HECW2: variants seen among roughly 807,000 people sequenced by gnomAD.
The protein encoded by HECW2 is E3 ubiquitin-protein ligase HECW2.
A neutral mutation model predicts 175.2 loss-of-function variants in HECW2; 61 were observed. The ratio of observed to expected loss-of-function variants is 0.35; its 90% CI spans 0.28 to 0.43. HECW2 has a LOEUF of 0.43. Ranked by LOEUF, HECW2 falls within the 20% of genes least tolerant of loss-of-function variation. HECW2 has a pLI of 1.00. For synonymous variants in HECW2, 671 were observed against 731.0 expected, an observed-to-expected ratio of 0.92 and a Z score of 1.32; for missense variants, 1,524 against 2,000.5, an observed-to-expected ratio of 0.76 and a Z score of 4.54.
At chr2:196,243,767 C>T (rs1419421494) in intron 19 of HECW2, among the ~76,000 whole-genome samples, 2 of 151,938 alleles carry the variant, frequency 1.3e-5, no homozygotes, top group Non-Finnish European at 2.9e-5. Context: ...TTAGCAGGGA[C>T]GTGGTTTCTC....
intron 1 of HECW2, among the ~76,000 whole-genome samples, chr2:196,482,253 C>T (rs995806792): frequency 5.3e-5 from 8 of 152,216 alleles, no homozygotes; most frequent in Non-Finnish European, 1.2e-4. Context: ...AGTGTGCAAC[C>T]CATCAGCTAT....
chr2:196,313,223 T>A (rs537107634), intron 10 of HECW2, among the ~76,000 whole-genome samples: 4 of 152,330 alleles, frequency 2.6e-5, no homozygotes, highest in African/African-American at 9.6e-5. Context: ...AAATAGTTTT[T>A]CAGAGGGGCT....
chr2:196,456,803 A>G (rs1696530797), intron 1 of HECW2, among the ~76,000 whole-genome samples: 1 of 152,186 alleles, frequency 6.6e-6, no homozygotes. Flanking sequence ...ATCAAGCAAA[A>G]CATACCAATT....
chr2:196,343,652 C>T lies in HECW2; in HGVS notation c.400+5G>A. On this transcript the variant is annotated splice_donor_5th_base_variant and intron_variant, in intron 3 of 28. Coordinates refer to ENST00000644978, the MANE Select transcript of HECW2 (RefSeq NM_001348768.2). ...TAAGTTTATATTTCACACTTAGTTA[C>T]TTACGTTCCATGAAATAGGGCCCAG... 6.3e-7 allele frequency: 1 copy of T among 1,578,552 alleles called. No individual in the cohort carries two copies. The highest frequency in any genetic ancestry group is 8.7e-7 in the Non-Finnish European group (1 of 1,147,822).
chr2:196,485,474 G>T (rs1371802169), intron 1 of HECW2, among the ~76,000 whole-genome samples: 1 of 152,188 alleles, frequency 6.6e-6, no homozygotes, highest in Admixed American at 6.5e-5. Flanking sequence ...TGAGGGCAAG[G>T]TCTCTCTGCT....
chr2:196,527,413 T>C (rs1378910656), intron 1 of HECW2, among the ~76,000 whole-genome samples: 1 of 152,196 alleles, frequency 6.6e-6, no homozygotes, highest in Non-Finnish European at 1.5e-5. Context: ...GTACCTCAGA[T>C]GGAAATGCAG....
chr2:196,309,414 C>A (rs1481129238), intron 10 of HECW2, among the ~76,000 whole-genome samples: 1 of 152,204 alleles, frequency 6.6e-6, no homozygotes, highest in Non-Finnish European at 1.5e-5. Context: ...AAACACCCTG[C>A]CAAATCTGAA....
chr2:196,521,206 G>T (rs1195464979), intron 1 of HECW2, among the ~76,000 whole-genome samples: 1 of 145,616 alleles, frequency 6.9e-6, no homozygotes, highest in South Asian at 2.2e-4. Context: ...ATCACACCCA[G>T]GATCATTACT....
chr2:196,401,321 G>C (rs1052791485), intron 2 of HECW2, among the ~76,000 whole-genome samples: 5 of 152,130 alleles, frequency 3.3e-5, no homozygotes, highest in South Asian at 2.1e-4. Context: ...TGATGTCTAA[G>C]GCATATTGCA....
intron 1 of HECW2, among the ~76,000 whole-genome samples, chr2:196,556,182 A>G (rs1689786788): frequency 6.6e-6 from 1 of 152,210 alleles, no homozygotes; most frequent in Non-Finnish European, 1.5e-5. Flanking sequence ...TTGACAAATG[A>G]AAATTCTGTA....
At chr2:196,535,912 T>C (rs1308042334) in intron 1 of HECW2, among the ~76,000 whole-genome samples, 1 of 152,108 alleles carries the variant, frequency 6.6e-6, no homozygotes, top group African/African-American at 2.4e-5. Context: ...ACAAGTATTA[T>C]GTGTTAAAAA....
intron 1 of HECW2, among the ~76,000 whole-genome samples, chr2:196,515,938 A>G (rs957010661): frequency 6.6e-6 from 1 of 151,076 alleles, no homozygotes; most frequent in Non-Finnish European, 1.5e-5. Context: ...AGGCTAGCCA[A>G]CAGGGCGAAA....
At chr2:196,311,425 A>T (rs1202585776) in intron 10 of HECW2, among the ~76,000 whole-genome samples, 1 of 152,220 alleles carries the variant, frequency 6.6e-6, no homozygotes, top group African/African-American at 2.4e-5. Flanking sequence ...AACTTAAAAC[A>T]GTAGCTAGTT....
At chr2:196,543,644 G>C (rs951927907) in intron 1 of HECW2, among the ~76,000 whole-genome samples, 78 of 151,272 alleles carry the variant, frequency 5.2e-4, no homozygotes, top group African/African-American at 1.9e-3. Context: ...ATGGAGTCTC[G>C]CTCTGTCGCC....
intron 1 of HECW2, among the ~76,000 whole-genome samples, chr2:196,540,875 T>TAAACACTTTGA (rs1689188577): frequency 6.6e-6 from 1 of 152,216 alleles, no homozygotes; most frequent in Non-Finnish European, 1.5e-5. Flanking sequence ...GAAATGGCTG[T>TAAACACTTTGA]TCCTCCCATT....
chr2:196,528,708 A>G (rs1231847756), intron 1 of HECW2, among the ~76,000 whole-genome samples: 1 of 152,238 alleles, frequency 6.6e-6, no homozygotes, highest in African/African-American at 2.4e-5. Context: ...AGCAGTCACA[A>G]TTATGTGGTC....
intron 1 of HECW2, among the ~76,000 whole-genome samples, chr2:196,519,045 C>G (rs1055240849): frequency 9.2e-5 from 14 of 152,198 alleles, no homozygotes; most frequent in Admixed American, 6.5e-5. Context: ...ATTTCCCAAA[C>G]AACACATTTA....
intron 10 of HECW2, chr2:196,316,265 T>C (rs1691690214): frequency 6.6e-6 from 1 of 152,262 alleles, no homozygotes; most frequent in African/African-American, 2.4e-5. Context: ...ATTAAGCTGA[T>C]ATTTTGATAA....
chr2:196,539,589 C>G (rs1317683921), intron 1 of HECW2, among the ~76,000 whole-genome samples: 2 of 152,100 alleles, frequency 1.3e-5, no homozygotes, highest in Non-Finnish European at 2.9e-5. Flanking sequence ...GAGCCAAGAT[C>G]CAGCCACTGC....
Sources: allele counts gnomAD v4.1 joint callset (sites outside exome capture counted in the v4.1 genomes callset), GRCh38; gene constraint gnomAD v4.1.1; transcripts MANE v1.5; gene names NCBI Gene and HGNC (gene_info 2026-07-23, HGNC 2026-07-21).